LOXL2: variants seen among roughly 807,000 people sequenced by gnomAD.
LOXL2 encodes the protein lysyl oxidase like 2, also known as lysyl oxidase homolog 2.
In LOXL2, 70 loss-of-function variants were observed where a neutral mutation model predicts 93.0. That is an observed-to-expected ratio of 0.75 (90% CI 0.62 to 0.92). The LOEUF is 0.92. Among genes scored for constraint, LOXL2 ranks in the 40% least tolerant of loss-of-function variants. LOXL2 has a pLI of 0.00. For missense variants in LOXL2, 973 were observed against 1,054.9 expected (o/e 0.92, Z 1.08); for synonymous variants, 438 against 413.2 (o/e 1.06, Z -0.73).
intron 1 of LOXL2, among the ~76,000 whole-genome samples, chr8:23,397,295 G>A (rs1173028830): frequency 3.3e-5 from 5 of 152,330 alleles, no homozygotes; most frequent in African/African-American, 7.2e-5. Flanking sequence ...TGGTAGCACA[G>A]CAGTGTCAAC....
chr8:23,354,537 G>A (rs988521488), intron 3 of LOXL2, among the ~76,000 whole-genome samples: 2 of 151,962 alleles, frequency 1.3e-5, no homozygotes, highest in South Asian at 2.1e-4. Flanking sequence ...TGGAGAAAAG[G>A]CAAAGAGAGA....
intron 1 of LOXL2, among the ~76,000 whole-genome samples, chr8:23,393,163 C>T (rs1800036106): frequency 6.6e-6 from 1 of 152,210 alleles, no homozygotes; most frequent in Admixed American, 6.5e-5. Context: ...AACACAATTT[C>T]TATCACAATC....
At chr8:23,354,588 C>CTGTGTGTGTG (rs35274565) in intron 3 of LOXL2, among the ~76,000 whole-genome samples, 115 of 150,910 alleles carry the variant, frequency 7.6e-4, no homozygotes, top group African/African-American at 2.2e-3. Context: ...CATCCCTTCT[C>CTGTGTGTGTG]TGTGTGTGTG....
At position 23,317,054 on chromosome 8, in the gene LOXL2, A is replaced by G; in HGVS notation, c.1531T>C (p.Cys511Arg). 1 of 1,614,202 alleles carries G rather than the reference A, an allele frequency of 6.2e-7. No homozygotes were observed. Among genetic ancestry groups the G allele is most frequent in the East Asian group, 2.2e-5 (1 of 44,882 alleles). Residue 511 changes from cysteine to arginine, a missense_variant, in exon 9 of 14, where the codon TGC becomes CGC. Physicochemically the swap from Cys to Arg is radical, Grantham distance 180 (BLOSUM62 -3). Transcript: ENST00000389131. The stretch of plus-strand genomic sequence containing the variant: ...GCCAGGGACAGCTCCGTTCCCGAGC[A>G]CTTCACTCCACTCATGACCACTTTG... ...SNKVVMSGVK[C>R]SGTELSLAHC...
At chr8:23,378,356 T>G (rs973306694) in intron 1 of LOXL2, among the ~76,000 whole-genome samples, 22 of 152,208 alleles carry the variant, frequency 1.4e-4, no homozygotes, top group Non-Finnish European at 1.2e-4. Flanking sequence ...GACCTTTCTC[T>G]CTGGCTGTCC....
At chr8:23,367,032 A>G (rs1804413248) in intron 2 of LOXL2, among the ~76,000 whole-genome samples, 1 of 152,050 alleles carries the variant, frequency 6.6e-6, no homozygotes, top group South Asian at 2.1e-4. Context: ...TGTTAAAGCA[A>G]TTTTTTGGGT....
chr8:23,389,418 T>C (rs1001041127), intron 1 of LOXL2, among the ~76,000 whole-genome samples: 3 of 152,166 alleles, frequency 2.0e-5, no homozygotes, highest in Admixed American at 2.0e-4. Flanking sequence ...TGCTTAATGG[T>C]ACCTTCTGGA....
intron 3 of LOXL2, among the ~76,000 whole-genome samples, chr8:23,354,668 CA>C (rs1203412194): frequency 6.6e-6 from 1 of 151,208 alleles, no homozygotes; most frequent in Non-Finnish European, 1.5e-5. Context: ...CAGCTGGGCA[CA>C]CACTATGTGG....
intron 10 of LOXL2, 35 bp downstream of exon 10, chr8:23,309,633 G>A (rs1803289994): frequency 1.4e-6 from 2 of 1,387,802 alleles, no homozygotes; most frequent in Non-Finnish European, 1.9e-6. Context: ...TGTCCGCCGG[G>A]CAGCTTAGTG....
intron 5 of LOXL2, among the ~76,000 whole-genome samples, chr8:23,330,791 A>T (rs1461729345): frequency 2.1e-5 from 3 of 145,052 alleles, no homozygotes; most frequent in Non-Finnish European, 3.0e-5. Context: ...CACAGGGGGC[A>T]AGCAGGGTGT....
At chr8:23,361,924 C>T (rs1477269278) in intron 2 of LOXL2, among the ~76,000 whole-genome samples, 2 of 152,170 alleles carry the variant, frequency 1.3e-5, no homozygotes, top group Non-Finnish European at 2.9e-5. Flanking sequence ...AACCCTTGTG[C>T]ACTGTTGATG....
In LOXL2 at chr8:23,341,095, A is replaced by C; in HGVS notation, c.640T>G (p.Trp214Gly). ...CAGTGCTTGTCACAGATCTGCTTCC[A>C]GGTCTTGCCCTCCTTCACCTCCACG... is the stretch of plus-strand genomic sequence containing the variant. ...GYVEVKEGKTWKQICDKHWTA... is the reference protein window; with the variant it reads ...GYVEVKEGKTGKQICDKHWTA... The change falls in exon 4 of 14, where the codon TGG becomes GGG. Residue 214 changes from tryptophan to glycine, a missense_variant. Physicochemically the swap from Trp to Gly is radical, Grantham distance 184. Transcript: ENST00000389131. The C allele has an allele frequency of 6.2e-7, 1 of 1,614,098 alleles. No homozygotes were observed. The highest frequency in any genetic ancestry group is 8.5e-7 in the Non-Finnish European group (1 of 1,180,028).
chr8:23,388,621 AC>A (rs1563209668), intron 1 of LOXL2, among the ~76,000 whole-genome samples: 7 of 63,060 alleles, frequency 1.1e-4, no homozygotes, highest in African/African-American at 5.2e-4. Context: ...CAAAAAATAT[AC>A]TCACACACAC....
At chr8:23,338,103 G>A (rs11776328) in intron 4 of LOXL2, among the ~76,000 whole-genome samples, 21,653 of 152,200 alleles carry the variant, frequency 0.14, 1,619 homozygotes, top group Admixed American at 0.18. Flanking sequence ...GCAAGAGAGC[G>A]TGTGCAGGGG....
intron 10 of LOXL2, among the ~76,000 whole-genome samples, chr8:23,306,267 A>G (rs1485320405): frequency 6.6e-6 from 1 of 152,150 alleles, no homozygotes; most frequent in African/African-American, 2.4e-5. Context: ...TCCCAGTCAG[A>G]GCCTTGGTGC....
intron 1 of LOXL2, among the ~76,000 whole-genome samples, chr8:23,368,951 C>T (rs10087981): frequency 6.6e-6 from 1 of 151,914 alleles, no homozygotes; most frequent in Non-Finnish European, 1.5e-5. Flanking sequence ...CCTTTCCTCC[C>T]GTCTTTGAAT....
intron 3 of LOXL2, among the ~76,000 whole-genome samples, chr8:23,355,410 T>C (rs1804178381): frequency 2.6e-5 from 4 of 151,934 alleles, no homozygotes; most frequent in African/African-American, 7.2e-5. Context: ...GGTGACCTGG[T>C]TAAGATCTGG....
intron 3 of LOXL2, among the ~76,000 whole-genome samples, chr8:23,350,671 T>TA (rs1401105393): frequency 1.3e-5 from 2 of 152,318 alleles, no homozygotes; most frequent in African/African-American, 4.8e-5. Context: ...TCCTCAGCTC[T>TA]AGGCAATAGA....
In LOXL2 at chr8:23,375,646, T is replaced by C. The variant is rs62501394; in HGVS notation, c.-83-7212A>G. Among the ~76,000 whole-genome samples the C allele has an allele frequency of 3.1e-3, 478 of 152,334 alleles. 3 individuals are homozygous for C. The highest frequency in any genetic ancestry group is 0.023 in the South Asian group (111 of 4,826). On this transcript the variant is annotated intron_variant, in intron 1 of 13. Transcript: ENST00000389131. ...TTGAGCAGTGGTTTGTAGTTCTCCT[T>C]GAAGAGGTCCTTTACATCCCTTGCA...
Sources: gnomAD v4.1 joint callset for allele counts (sites outside exome capture counted in the v4.1 genomes callset) on GRCh38, gnomAD v4.1.1 for gene constraint, MANE v1.5 for transcripts, NCBI Gene and HGNC (gene_info 2026-07-23, HGNC 2026-07-21) for gene names.